JAKMIP2: variants seen among roughly 807,000 people sequenced by gnomAD.
The protein encoded by JAKMIP2 is janus kinase and microtubule interacting protein 2.
JAKMIP2 carries 25 observed loss-of-function variants against 115.0 expected under a neutral mutation model. The ratio of observed to expected loss-of-function variants is 0.22; its 90% CI spans 0.16 to 0.30. The LOEUF is 0.30. Ranked by LOEUF, JAKMIP2 falls within the 10% of genes least tolerant of loss-of-function variation. JAKMIP2 has a pLI of 1.00. For missense variants in JAKMIP2, 642 were observed against 957.6 expected (o/e 0.67, Z 4.35); for synonymous variants, 334 against 343.6 (o/e 0.97, Z 0.31).
chr5:147,736,450 T>C (rs1024110496), intron 1 of JAKMIP2, among the ~76,000 whole-genome samples: 1 of 152,062 alleles, frequency 6.6e-6, no homozygotes, highest in African/African-American at 2.4e-5. Context: ...AGAGAAAGAC[T>C]CTATCTCAAA....
chr5:147,692,791 C>T (rs1165421479), intron 1 of JAKMIP2, among the ~76,000 whole-genome samples: 1 of 152,114 alleles, frequency 6.6e-6, no homozygotes, highest in East Asian at 1.9e-4. Flanking sequence ...TCTCTTTCTC[C>T]ATCTAGATTT....
chr5:147,734,097 T>C (rs957040576), intron 1 of JAKMIP2, among the ~76,000 whole-genome samples: 1 of 152,150 alleles, frequency 6.6e-6, no homozygotes, highest in South Asian at 2.1e-4. Flanking sequence ...GGGTGAAGGA[T>C]ATGAACAAAC....
chr5:147,710,755 G>C (rs115632127), intron 1 of JAKMIP2, among the ~76,000 whole-genome samples: 43 of 152,242 alleles, frequency 2.8e-4, no homozygotes, highest in African/African-American at 9.9e-4. Context: ...AATTCACCAA[G>C]GCTCTGCTAA....
At chr5:147,658,830 A>G (rs1758815598) in intron 3 of JAKMIP2, among the ~76,000 whole-genome samples, 1 of 152,128 alleles carries the variant, frequency 6.6e-6, no homozygotes, top group African/African-American at 2.4e-5. Context: ...TAGCACAGTC[A>G]GGGGAAAACC....
At chr5:147,702,466 G>GAA (rs1752369715) in intron 1 of JAKMIP2, among the ~76,000 whole-genome samples, 1 of 142,760 alleles carries the variant, frequency 7.0e-6, no homozygotes, top group African/African-American at 2.7e-5. Flanking sequence ...AGGAAGGAAG[G>GAA]GAGGGAGGGA....
At chr5:147,615,680 C>T (rs1469986921) in intron 19 of JAKMIP2, among the ~76,000 whole-genome samples, 3 of 152,078 alleles carry the variant, frequency 2.0e-5, no homozygotes, top group East Asian at 1.9e-4. Context: ...TTTAAAAATG[C>T]TATTTATTAT....
At chr5:147,603,768 C>T (rs1450327270) in intron 20 of JAKMIP2, among the ~76,000 whole-genome samples, 2 of 152,052 alleles carry the variant, frequency 1.3e-5, no homozygotes, top group Non-Finnish European at 2.9e-5. Flanking sequence ...AAGTTCAGAC[C>T]CGTAAAGTGT....
chr5:147,767,384 A>G (rs1325055257), intron 1 of JAKMIP2, among the ~76,000 whole-genome samples: 1 of 152,122 alleles, frequency 6.6e-6, no homozygotes, highest in African/African-American at 2.4e-5. Flanking sequence ...CTTCCTTTTC[A>G]CTTAAAGGAA....
intron 3 of JAKMIP2, 96 bp from the exon 4 acceptor site, chr5:147,650,643 T>C (rs958843492): frequency 1.1e-5 from 10 of 909,820 alleles, no homozygotes; most frequent in Admixed American, 1.0e-4. Flanking sequence ...ATCTGATTGA[T>C]ACAGAAAAAA....
At chr5:147,643,448 A>G (rs889901602) in intron 7 of JAKMIP2, among the ~76,000 whole-genome samples, 1 of 152,132 alleles carries the variant, frequency 6.6e-6, no homozygotes, top group Non-Finnish European at 1.5e-5. Flanking sequence ...GCAAAGAAGA[A>G]AACCCAAAGG....
chr5:147,782,412 G>C, intron 1 of JAKMIP2, 44 bp downstream of exon 1: 2 of 1,531,774 alleles, frequency 1.3e-6, no homozygotes, highest in Non-Finnish European at 8.7e-7. Context: ...GGTCAAATAA[G>C]AACACTCTAA....
intron 1 of JAKMIP2, among the ~76,000 whole-genome samples, chr5:147,772,161 T>A (rs1258256036): frequency 6.6e-6 from 1 of 152,036 alleles, no homozygotes; most frequent in Non-Finnish European, 1.5e-5. Flanking sequence ...TAAACATATG[T>A]AAATTGTGAA....
chr5:147,764,964 GAGGGGGA>G (rs1755089573), intron 1 of JAKMIP2, among the ~76,000 whole-genome samples: 1 of 61,692 alleles, frequency 1.6e-5, no homozygotes, highest in African/African-American at 9.0e-5. Context: ...GAGAGAGAGA[GAGGGGGA>G]GAGAGAGAGA....
At chr5:147,725,587 G>A (rs957736643) in intron 1 of JAKMIP2, among the ~76,000 whole-genome samples, 1 of 152,046 alleles carries the variant, frequency 6.6e-6, no homozygotes, top group Non-Finnish European at 1.5e-5. Flanking sequence ...TTGGGTAAGT[G>A]GTGGGGTAAA....
intron 21 of JAKMIP2, chr5:147,595,635 T>C (rs1379040710): frequency 9.9e-6 from 4 of 405,568 alleles, no homozygotes; most frequent in Non-Finnish European, 2.0e-5. Context: ...TATAATGGTC[T>C]CCATTATGCA....
At chr5:147,671,047 G>A (rs1464669665) in intron 2 of JAKMIP2, among the ~76,000 whole-genome samples, 1 of 152,222 alleles carries the variant, frequency 6.6e-6, no homozygotes, top group East Asian at 1.9e-4. Flanking sequence ...GCAGACATCT[G>A]AAAGAGGTGA....
chr5:147,695,476 G>A (rs1256666496), intron 1 of JAKMIP2, among the ~76,000 whole-genome samples: 2 of 152,138 alleles, frequency 1.3e-5, no homozygotes, highest in Non-Finnish European at 2.9e-5. Context: ...AGAGCCAGAT[G>A]AATAGGATTC....
In JAKMIP2 at chr5:147,653,014, A is replaced by G. The variant is rs1445391195; in HGVS notation, c.628-2467T>C. Among the ~76,000 whole-genome samples, 5 of 152,076 alleles carry G rather than the reference A, an allele frequency of 3.3e-5. No homozygotes were observed. The South Asian group carries it at 6.2e-4, about 19-fold the overall frequency. On this transcript the variant is annotated intron_variant, in intron 3 of 21. Coordinates refer to ENST00000616793, the MANE Select transcript of JAKMIP2 (RefSeq NM_001270941.2). ...AGGATGATGGCTTCCAGCTTCATTC[A>G]TGTCCCTACAAAGGACATGAACTCA...
At chr5:147,638,006 C>A (rs543215934) in intron 10 of JAKMIP2, among the ~76,000 whole-genome samples, 1 of 152,132 alleles carries the variant, frequency 6.6e-6, no homozygotes, top group South Asian at 2.1e-4. Flanking sequence ...GAGAATAATT[C>A]TTTTGATTGT....
Sources: gnomAD v4.1 joint callset for allele counts (sites outside exome capture counted in the v4.1 genomes callset) on GRCh38, gnomAD v4.1.1 for gene constraint, MANE v1.5 for transcripts, NCBI Gene and HGNC (gene_info 2026-07-23, HGNC 2026-07-21) for gene names.